CAMK1D: variants seen among roughly 807,000 people sequenced by gnomAD.
The protein encoded by CAMK1D is calcium/calmodulin dependent protein kinase ID.
CAMK1D carries 9 observed loss-of-function variants against 47.7 expected under a neutral mutation model. The observed-to-expected ratio is 0.19, with a 90% confidence interval of 0.11 to 0.33. CAMK1D has a LOEUF of 0.33. CAMK1D is among the 10% of genes least tolerant of loss of function. The pLI, the probability that CAMK1D is intolerant of heterozygous loss-of-function variation, is 1.00. For synonymous variants in CAMK1D, 184 were observed against 184.9 expected, an observed-to-expected ratio of 0.99 and a Z score of 0.04; for missense variants, 291 against 488.7, an observed-to-expected ratio of 0.60 and a Z score of 3.81.
chr10:12,580,277 T>C (rs903906747), intron 2 of CAMK1D, among the ~76,000 whole-genome samples: 1 of 152,052 alleles, frequency 6.6e-6, no homozygotes, highest in Admixed American at 6.5e-5. Context: ...TGTTTAGGAA[T>C]TGGGCATCTA....
intron 3 of CAMK1D, among the ~76,000 whole-genome samples, chr10:12,717,573 C>A (rs1477664737): frequency 6.6e-6 from 1 of 151,718 alleles, no homozygotes; most frequent in Admixed American, 6.6e-5. Flanking sequence ...GCAACATAGA[C>A]CTCTTCTCTA....
intron 3 of CAMK1D, among the ~76,000 whole-genome samples, chr10:12,758,194 C>T (rs577283421): frequency 4.5e-4 from 69 of 152,128 alleles, no homozygotes; most frequent in African/African-American, 1.4e-3. Context: ...CCCAAAGACC[C>T]CACCTCCAAA....
chr10:12,795,016 G>A (rs1453818229), intron 6 of CAMK1D, among the ~76,000 whole-genome samples: 4 of 152,124 alleles, frequency 2.6e-5, no homozygotes, highest in African/African-American at 4.8e-5. Context: ...AATAGAGAAG[G>A]TAATCAATAA....
chr10:12,552,781 G>A (rs566507965), intron 1 of CAMK1D, among the ~76,000 whole-genome samples: 7 of 152,070 alleles, frequency 4.6e-5, no homozygotes, highest in African/African-American at 1.7e-4. Context: ...TTGCTCTGTC[G>A]CCCAGGCTGG....
Position 12,721,550 on chromosome 10 carries a change from A to G in CAMK1D, c.300-39398A>G, listed in dbSNP as rs535737875. On this transcript the variant is annotated intron_variant, in intron 3 of 10. Coordinates refer to ENST00000619168, the MANE Select transcript of CAMK1D (RefSeq NM_153498.4). ...CATCCATCCATCCATCCATCTATCC[A>G]TCCATCCAAAAAATATTTACTGAGC... Among the ~76,000 whole-genome samples the G allele has an allele frequency of 5.3e-5, 8 of 152,260 alleles. No homozygotes were observed. The East Asian group carries it at 1.5e-3, about 29-fold the overall frequency.
chr10:12,401,950 C>G (rs1362821520), intron 1 of CAMK1D, among the ~76,000 whole-genome samples: 2 of 151,482 alleles, frequency 1.3e-5, no homozygotes, highest in African/African-American at 4.9e-5. Flanking sequence ...GGCTGGAGTA[C>G]AGTGGCGCGA....
chr10:12,469,781 A>T (rs1833694867), intron 1 of CAMK1D, among the ~76,000 whole-genome samples: 1 of 152,214 alleles, frequency 6.6e-6, no homozygotes, highest in African/African-American at 2.4e-5. Flanking sequence ...CTTTCAAAGG[A>T]TTTGGTAAAT....
At chr10:12,666,700 ATACTCACTAT>A (rs771664615) in intron 2 of CAMK1D, 26 bp from the exon 3 acceptor site, 1 of 1,510,934 alleles carries the variant, frequency 6.6e-7, no homozygotes, top group Non-Finnish European at 9.2e-7. Flanking sequence ...CTATCTAATC[ATACTCACTAT>A]TTTGTGCGTC....
chr10:12,827,637 CCCTCTCCCCTCTCCT>C (rs1411715113), intron 10 of CAMK1D, among the ~76,000 whole-genome samples: 1,049 of 60,782 alleles, frequency 0.017, 40 homozygotes, highest in Non-Finnish European at 0.026. Flanking sequence ...CTCCTCTCTC[CCCTCTCCCCTCTCCT>C]CTCTCCTCTC....
Position 12,491,146 on chromosome 10 carries a change from A to AGTGTGT in CAMK1D, c.93-62077_93-62076insGTGTGT, listed in dbSNP as rs142610378. On this transcript the variant is annotated intron_variant, in intron 1 of 10. Transcript: ENST00000619168. ...TAACTGCATCACTGGAGGGTATGAGAGTATGTGTGTGTGTGTGTGTGTGTC... is the reference window on the plus strand; with the variant it reads ...TAACTGCATCACTGGAGGGTATGAGAGTGTGTGTATGTGTGTGTGTGTGTGTGTGTC... 8.6e-5 allele frequency among the ~76,000 whole-genome samples: 11 copies of AGTGTGT among 127,994 alleles called. No individual in the cohort carries two copies. The South Asian group carries it at 2.3e-3, about 27-fold the overall frequency. 84.0% of individuals were successfully genotyped at this position (127,994 alleles called of 152,430 possible). A position where few individuals can be genotyped will look rare whatever the true frequency, so the allele number is the denominator to read the frequency against.
At chr10:12,519,346 G>A (rs1271296841) in intron 1 of CAMK1D, among the ~76,000 whole-genome samples, 2 of 46,978 alleles carry the variant, frequency 4.3e-5, no homozygotes, top group Admixed American at 1.9e-4. Flanking sequence ...CCTCCCGGAC[G>A]GGGGGCTGAC....
intron 1 of CAMK1D, among the ~76,000 whole-genome samples, chr10:12,418,010 C>G (rs931737428): frequency 6.6e-6 from 1 of 152,266 alleles, no homozygotes; most frequent in South Asian, 2.1e-4. Flanking sequence ...CTATGTTGGC[C>G]AGGCTGGTCT....
chr10:12,724,012 G>C (rs1394630048), intron 3 of CAMK1D, among the ~76,000 whole-genome samples: 5 of 152,088 alleles, frequency 3.3e-5, no homozygotes, highest in African/African-American at 7.2e-5. Context: ...ATGCGGTGGT[G>C]TTTTGACATT....
intron 3 of CAMK1D, among the ~76,000 whole-genome samples, chr10:12,698,673 A>ATTTTTTTTTTTTTTTTT (rs573723767): frequency 1.9e-4 from 20 of 103,920 alleles, no homozygotes; most frequent in African/African-American, 6.4e-4. Context: ...CCTTTAAAGA[A>ATTTTTTTTTTTTTTTTT]TTTTTTTTTT....
In CAMK1D at chr10:12,710,499, G is replaced by A. The variant is rs547257552; in HGVS notation, c.299+43689G>A. Among the ~76,000 whole-genome samples the A allele has an allele frequency of 2.1e-3, 317 of 152,322 alleles. 3 individuals are homozygous for A. The highest frequency in any genetic ancestry group is 0.014 in the Middle Eastern group (4 of 294). ...AGACAGAGAAGAAACAAATGCCTTC[G>A]ATACAGTCTTTTGTACGTCAAAGTT... On this transcript the variant is annotated intron_variant, in intron 3 of 10. Transcript: ENST00000619168.
At chr10:12,805,770 G>T (rs1042215135) in intron 6 of CAMK1D, among the ~76,000 whole-genome samples, 1 of 152,224 alleles carries the variant, frequency 6.6e-6, no homozygotes, top group Non-Finnish European at 1.5e-5. Context: ...GTCAGGTTGG[G>T]GTGGCAGTCC....
chr10:12,382,915 G>A (rs1053890051), intron 1 of CAMK1D, among the ~76,000 whole-genome samples: 1 of 151,642 alleles, frequency 6.6e-6, no homozygotes, highest in Non-Finnish European at 1.5e-5. Context: ...CGTTTAATCT[G>A]TACAACATCC....
At chr10:12,398,581 T>C (rs1032813088) in intron 1 of CAMK1D, among the ~76,000 whole-genome samples, 2 of 152,130 alleles carry the variant, frequency 1.3e-5, no homozygotes, top group African/African-American at 4.8e-5. Context: ...ACTCCTGACC[T>C]CAGGTGATCC....
intron 3 of CAMK1D, among the ~76,000 whole-genome samples, chr10:12,751,076 GATAAGATAAGATAAGATAAGAT>G (rs1835936177): frequency 1.8e-4 from 8 of 44,496 alleles, no homozygotes; most frequent in African/African-American, 8.9e-4. Flanking sequence ...GATAAGATAA[GATAAGATAAGATAAGATAAGAT>G]AAGATAAGAT....
Sources: allele counts gnomAD v4.1 joint callset (sites outside exome capture counted in the v4.1 genomes callset), GRCh38; gene constraint gnomAD v4.1.1; transcripts MANE v1.5; gene names NCBI Gene and HGNC (gene_info 2026-07-23, HGNC 2026-07-21).